The following CADPS2 variants were observed in gnomAD, a reference collection of about 807,000 sequenced individuals.
The protein encoded by CADPS2 is calcium-dependent secretion activator 2.
Under a neutral mutation model 172.5 loss-of-function variants are expected in CADPS2, and 93 were observed. That is an observed-to-expected ratio of 0.54 (90% CI 0.46 to 0.64). CADPS2 has a LOEUF of 0.64. Among genes scored for constraint, CADPS2 ranks in the 30% least tolerant of loss-of-function variants. The pLI is 0.00. For missense variants in CADPS2, 1,420 were observed against 1,565.9 expected (o/e 0.91, Z 1.57); for synonymous variants, 546 against 555.2 (o/e 0.98, Z 0.23).
intron 19 of CADPS2, among the ~76,000 whole-genome samples, chr7:122,410,007 G>A (rs1047383579): frequency 6.6e-6 from 1 of 152,108 alleles, no homozygotes; most frequent in African/African-American, 2.4e-5. Flanking sequence ...TGCTTAAGAG[G>A]GAAATATAAA....
intron 20 of CADPS2, among the ~76,000 whole-genome samples, chr7:122,398,037 A>G (rs2045405513): frequency 6.6e-6 from 1 of 152,226 alleles, no homozygotes. Context: ...CTATGGTACA[A>G]TTAGAAATGG....
intron 1 of CADPS2, among the ~76,000 whole-genome samples, chr7:122,816,126 CTATT>C (rs1376450590): frequency 6.6e-6 from 1 of 152,044 alleles, no homozygotes; most frequent in Non-Finnish European, 1.5e-5. Flanking sequence ...TCCTTTCTTC[CTATT>C]TTTTTAACCA....
chr7:122,636,763 G>A (rs749186263), intron 3 of CADPS2, among the ~76,000 whole-genome samples: 7 of 152,048 alleles, frequency 4.6e-5, no homozygotes, highest in East Asian at 1.9e-4. Context: ...CACCAAACTC[G>A]GTCTGCCTTT....
At chr7:122,753,179 G>A (rs1182014871) in intron 1 of CADPS2, among the ~76,000 whole-genome samples, 5 of 152,110 alleles carry the variant, frequency 3.3e-5, no homozygotes, top group Non-Finnish European at 7.4e-5. Flanking sequence ...TTAAAATCTA[G>A]TAGGGTATAA....
At chr7:122,818,928 G>A (rs985271624) in intron 1 of CADPS2, among the ~76,000 whole-genome samples, 15 of 151,926 alleles carry the variant, frequency 9.9e-5, no homozygotes, top group Non-Finnish European at 1.0e-4. Context: ...TCAAAAGGCC[G>A]TCTTATTCTC....
intron 28 of CADPS2, among the ~76,000 whole-genome samples, chr7:122,334,183 T>A (rs1430285914): frequency 6.6e-6 from 1 of 152,116 alleles, no homozygotes; most frequent in Non-Finnish European, 1.5e-5. Context: ...CTTTCATATC[T>A]ATGTACATAT....
intron 1 of CADPS2, among the ~76,000 whole-genome samples, chr7:122,857,978 A>G (rs1231855070): frequency 2.0e-5 from 3 of 152,118 alleles, no homozygotes; most frequent in Non-Finnish European, 4.4e-5. Flanking sequence ...CCAAAGACTG[A>G]GCAGTAGCAA....
intron 28 of CADPS2, among the ~76,000 whole-genome samples, chr7:122,327,335 G>C (rs1298843517): frequency 3.9e-5 from 6 of 151,986 alleles, no homozygotes; most frequent in Non-Finnish European, 8.8e-5. Flanking sequence ...GTCAATTGAG[G>C]CCCTTCTACC....
intron 2 of CADPS2, among the ~76,000 whole-genome samples, chr7:122,709,466 A>G (rs2136636162): frequency 6.6e-6 from 1 of 152,046 alleles, no homozygotes. Context: ...GTGGGACTGT[A>G]AACTAGTTCA....
intron 18 of CADPS2, among the ~76,000 whole-genome samples, chr7:122,414,603 A>G (rs1489349979): frequency 6.6e-6 from 1 of 152,224 alleles, no homozygotes; most frequent in African/African-American, 2.4e-5. Context: ...CTGTTTCTTC[A>G]GTTTAAAATA....
intron 1 of CADPS2, among the ~76,000 whole-genome samples, chr7:122,820,351 C>A (rs1380525784): frequency 7.9e-5 from 12 of 152,024 alleles, no homozygotes; most frequent in Admixed American, 7.9e-4. Context: ...TGTTACCTAT[C>A]TTGGCATAAT....
intron 1 of CADPS2, among the ~76,000 whole-genome samples, chr7:122,833,892 A>G (rs1807411091): frequency 6.6e-6 from 1 of 152,202 alleles, no homozygotes. Flanking sequence ...AAAGTCTTTG[A>G]TTAATTGGAA....
chr7:122,324,415 A>G (rs2033375557), intron 29 of CADPS2, among the ~76,000 whole-genome samples: 2 of 152,172 alleles, frequency 1.3e-5, no homozygotes, highest in African/African-American at 4.8e-5. Flanking sequence ...GGGTCTTTGA[A>G]AACTTTAGCA....
intron 19 of CADPS2, among the ~76,000 whole-genome samples, chr7:122,408,938 G>A (rs541511444): frequency 6.6e-6 from 1 of 152,306 alleles, no homozygotes; most frequent in East Asian, 1.9e-4. Context: ...GGTAAAGGCT[G>A]ACTTAAGGAA....
At chr7:122,760,521 C>T (rs2093341569) in intron 1 of CADPS2, among the ~76,000 whole-genome samples, 1 of 151,948 alleles carries the variant, frequency 6.6e-6, no homozygotes, top group African/African-American at 2.4e-5. Flanking sequence ...AAGCCAAATC[C>T]TAACCTGATA....
At chr7:122,492,883 G>T (rs2058424986) in intron 9 of CADPS2, among the ~76,000 whole-genome samples, 2 of 152,006 alleles carry the variant, frequency 1.3e-5, no homozygotes, top group African/African-American at 4.8e-5. Context: ...AATATTTATA[G>T]AGAAAAGGTC....
chr7:122,716,693 A>G (rs113152661), intron 2 of CADPS2, among the ~76,000 whole-genome samples: 2 of 152,156 alleles, frequency 1.3e-5, no homozygotes, highest in African/African-American at 2.4e-5. Context: ...AAAAATAAAT[A>G]AATAAATAAG....
intron 2 of CADPS2, among the ~76,000 whole-genome samples, chr7:122,732,589 G>A (rs2091753183): frequency 2.7e-5 from 4 of 147,170 alleles, no homozygotes; most frequent in Admixed American, 6.9e-5. Flanking sequence ...TATATTCTAG[G>A]ATTAGATCTT....
chr7:122,490,963 T>C (rs1207545764), intron 10 of CADPS2, among the ~76,000 whole-genome samples: 1 of 152,148 alleles, frequency 6.6e-6, no homozygotes, highest in African/African-American at 2.4e-5. Context: ...TTAGTAGTTA[T>C]AATATAATAA....
Sources: allele counts gnomAD v4.1 joint callset (sites outside exome capture counted in the v4.1 genomes callset), GRCh38; gene constraint gnomAD v4.1.1; transcripts MANE v1.5; gene names NCBI Gene and HGNC (gene_info 2026-07-23, HGNC 2026-07-21).